The following SLC6A7 variants were observed in gnomAD, a reference collection of about 807,000 sequenced individuals.
SLC6A7 encodes solute carrier family 6 member 7, also known as sodium-dependent proline transporter.
SLC6A7 carries 58 observed loss-of-function variants against 73.1 expected under a neutral mutation model. The observed-to-expected ratio is 0.79, with a 90% confidence interval of 0.64 to 0.99. SLC6A7 has a LOEUF of 0.99. Ranked by LOEUF, SLC6A7 falls within the 50% of genes least tolerant of loss-of-function variation. The pLI is 0.00. For missense variants in SLC6A7, 783 were observed against 831.4 expected, an observed-to-expected ratio of 0.94 and a Z score of 0.72; for synonymous variants, 338 against 338.7, an observed-to-expected ratio of 1.00 and a Z score of 0.02.
At chr5:150,194,226 A>T (rs1186194995) in intron 1 of SLC6A7, among the ~76,000 whole-genome samples, 1 of 152,040 alleles carries the variant, frequency 6.6e-6, no homozygotes, top group African/African-American at 2.4e-5. Context: ...TCAGGAGACC[A>T]AGACCATCCT....
intron 6 of SLC6A7, among the ~76,000 whole-genome samples, chr5:150,201,578 T>C (rs1282968218): frequency 1.3e-5 from 2 of 152,182 alleles, no homozygotes; most frequent in African/African-American, 4.8e-5. Context: ...CATATTATAC[T>C]TCATTTATTA....
intron 10 of SLC6A7, 41 bp from the exon 11 acceptor site, chr5:150,204,491 A>G: frequency 6.8e-7 from 1 of 1,463,646 alleles, no homozygotes; most frequent in East Asian, 2.3e-5. Context: ...GCAGAGAACG[A>G]GGCCCAGGAA....
intron 1 of SLC6A7, among the ~76,000 whole-genome samples, chr5:150,191,774 A>C (rs1277397540): frequency 6.6e-6 from 1 of 151,782 alleles, no homozygotes; most frequent in African/African-American, 2.4e-5. Flanking sequence ...TCTTGAGACC[A>C]TTTGTGAGTC....
chr5:150,200,584 C>T (rs1288414189), intron 5 of SLC6A7, among the ~76,000 whole-genome samples: 3 of 152,140 alleles, frequency 2.0e-5, no homozygotes, highest in Admixed American at 6.5e-5. Flanking sequence ...AAGGTGCAGA[C>T]GATACCAGAA....
At chr5:150,204,228 G>A (rs1487112453) in intron 10 of SLC6A7, among the ~76,000 whole-genome samples, 190 bp downstream of exon 10, 1 of 152,222 alleles carries the variant, frequency 6.6e-6, no homozygotes, top group Non-Finnish European at 1.5e-5. Context: ...TGGCTGTGGA[G>A]ATTTAGTCTG....
At chr5:150,208,550 G>A (rs533927465) in intron 13 of SLC6A7, among the ~76,000 whole-genome samples, 2 of 152,302 alleles carry the variant, frequency 1.3e-5, no homozygotes, top group East Asian at 3.9e-4. Context: ...TCTGAGCAGT[G>A]GGGTAGCATG....
rs775614810 is a variant in SLC6A7, at chr5:150,209,602, A to C, written c.1898A>C (p.Glu633Ala). 3.7e-6 allele frequency: 6 copies of C among 1,605,306 alleles called. No individual in the cohort carries two copies. The highest frequency in any genetic ancestry group is 5.1e-6 in the Non-Finnish European group (6 of 1,175,630). ...GACCGTGAGATTGCAGAGGAGGAGG[A>C]GTCGATGATGTGAGGCAGGAGGCAG... Reference protein sequence around the residue: ...EVDREIAEEEESMM With the variant: ...EVDREIAEEEASMM Residue 633 changes from glutamate to alanine, a missense_variant, in exon 14 of 14, where the codon GAG becomes GCG. Physicochemically the swap from Glu to Ala is moderately radical, Grantham distance 107. Coordinates refer to ENST00000230671, the MANE Select transcript of SLC6A7 (RefSeq NM_014228.5).
chr5:150,208,893 G>A (rs893782956), intron 13 of SLC6A7, among the ~76,000 whole-genome samples: 3 of 152,172 alleles, frequency 2.0e-5, no homozygotes, highest in Non-Finnish European at 2.9e-5. Context: ...AAGAAACCGG[G>A]AAAGCCAGCT....
intron 1 of SLC6A7, 140 bp from the exon 2 acceptor site, chr5:150,194,587 TC>T (rs35252459): frequency 2.9e-6 from 2 of 681,346 alleles, no homozygotes. Context: ...ACAAGGTTAG[TC>T]CAGTTGAGAG....
At chr5:150,204,075 G>A (rs192335462) in intron 10 of SLC6A7, 37 bp downstream of exon 10, 4 of 1,588,682 alleles carry the variant, frequency 2.5e-6, no homozygotes, top group Admixed American at 1.7e-5. Context: ...AGGTGGGCGG[G>A]ACAAGGGCAG....
intron 10 of SLC6A7, 136 bp downstream of exon 10, chr5:150,204,174 C>G (rs1343398355): frequency 1.2e-6 from 1 of 861,326 alleles, no homozygotes; most frequent in African/African-American, 1.7e-5. Flanking sequence ...CCTCCCCGGC[C>G]CTATCTCCCA....
chr5:150,203,776 C>A lies in SLC6A7; in HGVS notation c.1197C>A (p.Ser399Arg), dbSNP rs1376048957. 2 of 1,570,438 alleles carry A rather than the reference C, an allele frequency of 1.3e-6. No homozygotes were observed. Among genetic ancestry groups the A allele is most frequent in the East Asian group, 2.2e-5 (1 of 44,570 alleles). ...TGCTTCTGACTCTCGGCCTAGATAGCCAGGTGAGTCTCGTCTGTGGCAGCA... is the reference window on the plus strand; with the variant it reads ...TGCTTCTGACTCTCGGCCTAGATAGACAGGTGAGTCTCGTCTGTGGCAGCA... Reference protein sequence around the residue: ...FFMLLTLGLDSQFAFLETIVT... With the variant: ...FFMLLTLGLDRQFAFLETIVT... The change falls in exon 9 of 14, where the codon AGC becomes AGA. Residue 399 changes from serine (S) to arginine (R), a missense_variant. Coordinates refer to ENST00000230671, the MANE Select transcript of SLC6A7 (RefSeq NM_014228.5).
rs145923003 is a variant in SLC6A7, at chr5:150,201,143, C to A, written c.778C>A (p.Arg260Ser). 1 of 1,613,690 alleles carries A rather than the reference C, an allele frequency of 6.2e-7. No homozygotes were observed. The highest frequency in any genetic ancestry group is 8.5e-7 in the Non-Finnish European group (1 of 1,179,766). ...CCTCATCCTGCTCATGCTGCTGGTC[C>A]GCGGAGTCACCCTCCCAGGGGCCTG... Reference protein sequence around the residue: ...PYLILLMLLVRGVTLPGAWKG... With the variant: ...PYLILLMLLVSGVTLPGAWKG... Residue 260 changes from arginine to serine, a missense_variant, in exon 6 of 14, where the codon CGC becomes AGC. Physicochemically the swap from Arg to Ser is moderately radical, Grantham distance 110. Coordinates refer to ENST00000230671, the MANE Select transcript of SLC6A7 (RefSeq NM_014228.5).
rs774414750 is a variant in SLC6A7 at position 150,198,811 on chromosome 5, GGTGTGTGTGTGTGTGTGTGT to G, written c.585-383_585-364del. Among the ~76,000 whole-genome samples, 53 of 112,026 alleles carry G rather than the reference GGTGTGTGTGTGTGTGTGTGT, an allele frequency of 4.7e-4. 1 individual carries two copies. Among genetic ancestry groups the G allele is most frequent in the Non-Finnish European group, 1.2e-4 (6 of 51,504 alleles). The allele number at this position is 112,026 out of a possible 152,430, so 73.5% of individuals were successfully genotyped here. On this transcript the variant is annotated intron_variant, in intron 4 of 13. Transcript: ENST00000230671. ...ACACAGTCATGGCCAGGCCCTGGAT[GGTGTGTGTGTGTGTGTGTGT>G]GTGTGTGTGTGTGTGTGTGTGTGTG... is the stretch of plus-strand genomic sequence containing the variant.
rs1363429536 is a variant in SLC6A7 at position 150,203,796 on chromosome 5, G to A, written c.1200+17G>A. The A allele has an allele frequency of 1.9e-6, 3 of 1,540,932 alleles. No homozygotes were observed. Among genetic ancestry groups the A allele is most frequent in the South Asian group, 1.1e-5 (1 of 89,556 alleles). ...GATAGCCAGGTGAGTCTCGTCTGTG[G>A]CAGCAGGCACCCCGTGTGTGTGTGG... On this transcript the variant is annotated intron_variant, in intron 9 of 13. Coordinates refer to ENST00000230671, the MANE Select transcript of SLC6A7 (RefSeq NM_014228.5).
chr5:150,194,886 C>T lies in SLC6A7; in HGVS notation c.192C>T (p.Pro64=), dbSNP rs760140719. ...GCCTGGGGAATGTCTGGCGCTTCCC[C>T]TATCGAGCGTACACCAATGGAGGAG... is the stretch of plus-strand genomic sequence containing the variant. ...CVGLGNVWRF[P]YRAYTNGGGA... is the part of the protein sequence containing the mutation. The change falls in exon 2 of 14, where the codon CCC becomes CCT. Residue 64 remains proline (P), a synonymous_variant. Transcript: ENST00000230671. 6.2e-7 allele frequency: 1 copy of T among 1,614,132 alleles called. No homozygotes were observed. The highest frequency in any genetic ancestry group is 2.2e-5 in the East Asian group (1 of 44,884).
At chr5:150,191,657 T>C (rs943746724) in intron 1 of SLC6A7, among the ~76,000 whole-genome samples, 9 of 152,148 alleles carry the variant, frequency 5.9e-5, no homozygotes, top group Non-Finnish European at 8.8e-5. Context: ...GTCTTGATCT[T>C]CTGACCTCGT....
chr5:150,203,273 C>T (rs1753487069), intron 8 of SLC6A7, among the ~76,000 whole-genome samples: 2 of 152,020 alleles, frequency 1.3e-5, no homozygotes, highest in Admixed American at 1.3e-4. Context: ...TTTGGTTGCA[C>T]AAATAAGTCA....
At chr5:150,197,610 AATGATG>A (rs70973568) in intron 4 of SLC6A7, among the ~76,000 whole-genome samples, 1 of 151,342 alleles carries the variant, frequency 6.6e-6, no homozygotes, top group Non-Finnish European at 1.5e-5. Flanking sequence ...ACTAGCTGAG[AATGATG>A]ATGATGATGA....
Sources: allele counts gnomAD v4.1 joint callset (sites outside exome capture counted in the v4.1 genomes callset), GRCh38; gene constraint gnomAD v4.1.1; transcripts MANE v1.5; gene names NCBI Gene and HGNC (gene_info 2026-07-23, HGNC 2026-07-21).